Variants in KCNIP3 observed in about 807,000 individuals in gnomAD.
KCNIP3 encodes the protein potassium voltage-gated channel interacting protein 3.
Under a neutral mutation model 35.0 loss-of-function variants are expected in KCNIP3, and 28 were observed. The ratio of observed to expected loss-of-function variants is 0.80; its 90% CI spans 0.59 to 1.10. KCNIP3 has a LOEUF of 1.10. KCNIP3 is among the 50% of genes least tolerant of loss of function. The pLI is 0.00. For missense variants in KCNIP3, 295 were observed against 338.4 expected (o/e 0.87, Z 1.01); for synonymous variants, 134 against 133.8 (o/e 1.00, Z -0.01).
chr2:95,314,015 G>C (rs1023627685), intron 2 of KCNIP3: 1 of 151,384 alleles, frequency 6.6e-6, no homozygotes, highest in Non-Finnish European at 1.5e-5. Flanking sequence ...TTACACACAC[G>C]CATGCACATG....
At chr2:95,315,037 A>ACAGG (rs1192107290) in intron 2 of KCNIP3, among the ~76,000 whole-genome samples, 1 of 152,072 alleles carries the variant, frequency 6.6e-6, no homozygotes, top group African/African-American at 2.4e-5. Flanking sequence ...CGGGGACGGG[A>ACAGG]GCCTGTGAGC....
At chr2:95,314,066 C>A (rs1406774674) in intron 2 of KCNIP3, among the ~76,000 whole-genome samples, 1 of 152,080 alleles carries the variant, frequency 6.6e-6, no homozygotes, top group Non-Finnish European at 1.5e-5. Context: ...CCTCAGTCGC[C>A]GATGCATCCC....
Position 95,384,364 on chromosome 2 carries a change from G to T in KCNIP3, c.*315G>T, listed in dbSNP as rs941925112. ...AGAGCAGGTCTGCAGGCCACCAGCT[G>T]CTGGATGTCACCAAGAAGGGGCTCG... On this transcript the variant is annotated 3_prime_UTR_variant, in exon 9 of 9. Transcript: ENST00000295225. 6.6e-5 allele frequency: 27 copies of T among 408,532 alleles called. No homozygotes were observed. Among genetic ancestry groups the T allele is most frequent in the African/African-American group, 5.4e-4 (27 of 49,800 alleles). The allele number at this position is 408,532 out of a possible 1,614,324, so 25.3% of individuals were successfully genotyped here. A position where few individuals can be genotyped will look rare whatever the true frequency, so the allele number is the denominator to read the frequency against.
intron 2 of KCNIP3, among the ~76,000 whole-genome samples, chr2:95,364,064 G>T (rs1679861547): frequency 6.6e-6 from 1 of 152,084 alleles, no homozygotes; most frequent in Non-Finnish European, 1.5e-5. Context: ...TGGGGACTGT[G>T]GCCAAACTTG....
intron 2 of KCNIP3, among the ~76,000 whole-genome samples, chr2:95,320,022 C>T (rs1192518982): frequency 6.6e-6 from 1 of 152,222 alleles, no homozygotes; most frequent in Non-Finnish European, 1.5e-5. Flanking sequence ...GCTGGTCCAC[C>T]TCTGAGTTCC....
intron 2 of KCNIP3, among the ~76,000 whole-genome samples, chr2:95,338,307 T>C (rs760782046): frequency 1.3e-5 from 2 of 152,210 alleles, no homozygotes; most frequent in South Asian, 2.1e-4. Context: ...CACCTAATTA[T>C]GGCGACTTAA....
intron 2 of KCNIP3, among the ~76,000 whole-genome samples, chr2:95,316,316 C>T (rs1678459842): frequency 6.6e-6 from 1 of 152,250 alleles, no homozygotes; most frequent in South Asian, 2.1e-4. Flanking sequence ...CCGGGCACCG[C>T]ACCTTCCTTT....
chr2:95,353,374 G>T (rs1243687296), intron 2 of KCNIP3, among the ~76,000 whole-genome samples: 1 of 152,200 alleles, frequency 6.6e-6, no homozygotes, highest in African/African-American at 2.4e-5. Context: ...GGCCTTCTGG[G>T]ATCAGATCGG....
intron 2 of KCNIP3, among the ~76,000 whole-genome samples, chr2:95,339,942 C>G (rs1296752207): frequency 6.6e-6 from 1 of 152,210 alleles, no homozygotes; most frequent in African/African-American, 2.4e-5. Context: ...TCCCCTAACC[C>G]CTAAGATCTG....
At chr2:95,308,766 C>T (rs200379595) in intron 1 of KCNIP3, among the ~76,000 whole-genome samples, 1 of 152,206 alleles carries the variant, frequency 6.6e-6, no homozygotes, top group East Asian at 1.9e-4. Flanking sequence ...GGGCTCCCTG[C>T]TGCCAATTCT....
intron 2 of KCNIP3, among the ~76,000 whole-genome samples, chr2:95,339,649 C>T (rs1553444874): frequency 6.6e-6 from 1 of 152,072 alleles, no homozygotes; most frequent in South Asian, 2.1e-4. Context: ...TAGTGAGACC[C>T]CCAAAACCCA....
intron 1 of KCNIP3, among the ~76,000 whole-genome samples, chr2:95,309,818 A>G (rs978811533): frequency 6.6e-6 from 1 of 152,206 alleles, no homozygotes; most frequent in African/African-American, 2.4e-5. Context: ...TGCCAGCCTC[A>G]GTGGTCGGTT....
intron 2 of KCNIP3, among the ~76,000 whole-genome samples, chr2:95,338,555 A>G (rs1679116361): frequency 2.0e-5 from 3 of 152,178 alleles, no homozygotes; most frequent in Admixed American, 2.0e-4. Flanking sequence ...CTTATGACCC[A>G]TTGGCCCAAA....
rs145080313 is a variant in KCNIP3 at position 95,355,904 on chromosome 2, C to T, written c.182-18392C>T. Among the ~76,000 whole-genome samples, 62 of 152,266 alleles carry T rather than the reference C, an allele frequency of 4.1e-4. No individual in the cohort carries two copies. In the East Asian group the frequency reaches 0.011, roughly 27 times the overall value. ...TCAAATGGTAATTCTAGTTCTAGAT[C>T]CCTGAGGAATCACCACACTGTCTTC... On this transcript the variant is annotated intron_variant, in intron 2 of 8. Transcript: ENST00000295225.
intron 2 of KCNIP3, among the ~76,000 whole-genome samples, chr2:95,325,477 C>G (rs1421737241): frequency 1.3e-5 from 2 of 152,152 alleles, no homozygotes; most frequent in Non-Finnish European, 2.9e-5. Flanking sequence ...CCTGGCCAGG[C>G]AGGAGGTTCA....
intron 2 of KCNIP3, among the ~76,000 whole-genome samples, chr2:95,372,282 A>C (rs1400965082): frequency 6.6e-6 from 1 of 152,120 alleles, no homozygotes; most frequent in South Asian, 2.1e-4. Flanking sequence ...CCCAGTGTGC[A>C]GCCTCCATAT....
intron 2 of KCNIP3, among the ~76,000 whole-genome samples, chr2:95,341,454 C>T (rs1679192415): frequency 6.6e-6 from 1 of 152,164 alleles, no homozygotes; most frequent in African/African-American, 2.4e-5. Flanking sequence ...AGGGCTTGGT[C>T]AATACTCTAA....
At chr2:95,359,705 A>C (rs1417957260) in intron 2 of KCNIP3, among the ~76,000 whole-genome samples, 1 of 152,256 alleles carries the variant, frequency 6.6e-6, no homozygotes, top group Admixed American at 6.5e-5. Flanking sequence ...ATCCAGGCAG[A>C]GGCAGCCACG....
intron 2 of KCNIP3, among the ~76,000 whole-genome samples, chr2:95,350,128 C>G (rs1679476491): frequency 6.6e-6 from 1 of 152,206 alleles, no homozygotes. Flanking sequence ...GTGGCTCTCC[C>G]TGGAGCCTTG....
Sources: allele counts gnomAD v4.1 joint callset (sites outside exome capture counted in the v4.1 genomes callset), GRCh38; gene constraint gnomAD v4.1.1; transcripts MANE v1.5; gene names NCBI Gene and HGNC (gene_info 2026-07-23, HGNC 2026-07-21).